The following NRXN3 variants were observed in gnomAD, a reference collection of about 807,000 sequenced individuals.
NRXN3 encodes the protein neurexin III.
A neutral mutation model predicts 137.6 loss-of-function variants in NRXN3; 32 were observed. The observed-to-expected ratio is 0.23, with a 90% CI of 0.18 to 0.31. NRXN3 has a LOEUF of 0.31. Ranked by LOEUF, NRXN3 falls within the 10% of genes least tolerant of loss-of-function variation. NRXN3 has a pLI of 1.00. For missense variants in NRXN3, 1,574 were observed against 2,062.5 expected (o/e 0.76, Z 4.59); for synonymous variants, 798 against 784.5 (o/e 1.02, Z -0.29).
At chr14:78,360,481 A>T (rs762941314) in intron 4 of NRXN3, among the ~76,000 whole-genome samples, 7 of 152,206 alleles carry the variant, frequency 4.6e-5, no homozygotes, top group Non-Finnish European at 1.0e-4. Context: ...AAGAGTAATG[A>T]TTAAAAGCAT....
chr14:79,858,136 T>C (rs1374191410), intron 20 of NRXN3, among the ~76,000 whole-genome samples: 1 of 148,406 alleles, frequency 6.7e-6, no homozygotes, highest in Non-Finnish European at 1.5e-5. Flanking sequence ...ATAAAAAATG[T>C]GGTTACTCTT....
chr14:78,484,404 T>C (rs1163460061), intron 4 of NRXN3, among the ~76,000 whole-genome samples: 3 of 152,190 alleles, frequency 2.0e-5, no homozygotes, highest in African/African-American at 7.2e-5. Context: ...TGCAGTGAAG[T>C]TGCAGGTTTC....
intron 15 of NRXN3, among the ~76,000 whole-genome samples, chr14:79,162,249 G>A (rs1187377452): frequency 6.7e-5 from 10 of 149,956 alleles, no homozygotes; most frequent in East Asian, 2.0e-4. Context: ...CCACTAACTC[G>A]TCATCTAGCA....
At chr14:78,640,098 T>A (rs2097607029) in intron 4 of NRXN3, among the ~76,000 whole-genome samples, 1 of 152,178 alleles carries the variant, frequency 6.6e-6, no homozygotes, top group Non-Finnish European at 1.5e-5. Flanking sequence ...ATCTTAAGTA[T>A]CCACACTTTG....
chr14:79,351,641 T>A (rs774937587), intron 15 of NRXN3, among the ~76,000 whole-genome samples: 33 of 152,142 alleles, frequency 2.2e-4, no homozygotes, highest in Non-Finnish European at 3.5e-4. Context: ...AGTAGCAAAA[T>A]GTCTGGAACA....
intron 4 of NRXN3, among the ~76,000 whole-genome samples, chr14:78,336,907 A>G (rs1377945458): frequency 6.6e-6 from 1 of 152,116 alleles, no homozygotes; most frequent in African/African-American, 2.4e-5. Context: ...ATTGAATCCT[A>G]TGGGTCTCTG....
chr14:79,762,661 G>A (rs1261025036), intron 19 of NRXN3, among the ~76,000 whole-genome samples: 2 of 151,502 alleles, frequency 1.3e-5, no homozygotes, highest in African/African-American at 4.9e-5. Context: ...TAATAGAACT[G>A]GCCTTATAGA....
At position 78,752,902 on chromosome 14, in the gene NRXN3, A is replaced by C. The variant is rs1040360858; in HGVS notation, c.2044+37763A>C. On this transcript the variant is annotated intron_variant, in intron 8 of 20. Coordinates refer to ENST00000335750, the MANE Select transcript of NRXN3 (RefSeq NM_001330195.2). ...TTTTTAACAGAGAATTCTGAGCAGGAGATGTCAATGAATGTCCTGATTGTC... is the reference window on the plus strand; with the variant it reads ...TTTTTAACAGAGAATTCTGAGCAGGCGATGTCAATGAATGTCCTGATTGTC... Among the ~76,000 whole-genome samples the C allele has an allele frequency of 5.3e-5, 8 of 152,312 alleles. No homozygotes were observed. In the East Asian group the frequency reaches 1.5e-3, roughly 29 times the overall value.
chr14:78,391,142 A>G (rs1487646047), intron 4 of NRXN3, among the ~76,000 whole-genome samples: 2 of 152,158 alleles, frequency 1.3e-5, no homozygotes, highest in African/African-American at 4.8e-5. Context: ...ATAGTATTCT[A>G]TGGTGCATAT....
intron 10 of NRXN3, among the ~76,000 whole-genome samples, chr14:78,879,514 T>G (rs1369498021): frequency 6.6e-6 from 1 of 152,266 alleles, no homozygotes; most frequent in Non-Finnish European, 1.5e-5. Flanking sequence ...TAGCCGTCTG[T>G]ATGTCTCCCT....
At chr14:79,603,496 T>A (rs2097954332) in intron 16 of NRXN3, among the ~76,000 whole-genome samples, 1 of 152,238 alleles carries the variant, frequency 6.6e-6, no homozygotes, top group Non-Finnish European at 1.5e-5. Flanking sequence ...TCTGCACATG[T>A]TCTTTATCCT....
chr14:79,410,817 A>C (rs943247774), intron 15 of NRXN3, among the ~76,000 whole-genome samples: 2 of 152,142 alleles, frequency 1.3e-5, no homozygotes, highest in African/African-American at 4.8e-5. Flanking sequence ...TGTCCTAGGT[A>C]ATGCTGATAC....
In NRXN3 at chr14:79,808,176, G is replaced by T. The variant is rs2099216308; in HGVS notation, c.4093+2986G>T. ...TGCTTGAACCCGGGAGGCAGAGGTT[G>T]CAGGGAGCCAAGATCATGCCACTGC... On this transcript the variant is annotated intron_variant, in intron 20 of 20. Coordinates refer to ENST00000335750, the MANE Select transcript of NRXN3 (RefSeq NM_001330195.2). Among the ~76,000 whole-genome samples the T allele has an allele frequency of 8.0e-5, 12 of 150,454 alleles. No homozygotes were observed. The Admixed American group carries it at 8.0e-4, about 10-fold the overall frequency.
intron 17 of NRXN3, among the ~76,000 whole-genome samples, chr14:79,667,354 T>C (rs221437): frequency 0.4 from 60,255 of 151,906 alleles, 16,302 homozygotes; most frequent in African/African-American, 0.77. Context: ...AGAAGATTTA[T>C]GTTAAGTTAT....
chr14:78,368,560 T>G lies in NRXN3; in HGVS notation c.757+70700T>G, dbSNP rs189642575. ...TACAAAAAAAATTAGCCAGGCACTG[T>G]GGCGAGCACCAGTAATTCCAGCTAC... is the stretch of plus-strand genomic sequence containing the variant. On this transcript the variant is annotated intron_variant, in intron 4 of 20. Transcript: ENST00000335750. Among the ~76,000 whole-genome samples the G allele has an allele frequency of 9.9e-5, 15 of 152,274 alleles. No homozygotes were observed. In the East Asian group the frequency reaches 2.7e-3, roughly 27 times the overall value.
chr14:78,946,648 A>T (rs1290488820), intron 10 of NRXN3, among the ~76,000 whole-genome samples: 2 of 152,126 alleles, frequency 1.3e-5, no homozygotes, highest in Non-Finnish European at 2.9e-5. Flanking sequence ...TTGATGCCCC[A>T]TGTTAATGAG....
intron 4 of NRXN3, among the ~76,000 whole-genome samples, chr14:78,488,460 T>A (rs8017143): frequency 0.92 from 140,728 of 152,238 alleles, 65,541 homozygotes; most frequent in Non-Finnish European, 0.98. Context: ...AGTCGTAACA[T>A]CCTAGAAATT....
At chr14:78,365,710 C>G (rs2085830210) in intron 4 of NRXN3, among the ~76,000 whole-genome samples, 2 of 152,118 alleles carry the variant, frequency 1.3e-5, no homozygotes, top group Non-Finnish European at 2.9e-5. Flanking sequence ...GTTGAAAACT[C>G]AAGGATAGAA....
At chr14:78,293,726 A>G (rs1357576066) in intron 3 of NRXN3, among the ~76,000 whole-genome samples, 5 of 152,130 alleles carry the variant, frequency 3.3e-5, no homozygotes, top group Admixed American at 1.3e-4. Context: ...TGAACCCTCA[A>G]TGTCTCCCAT....
Sources: gnomAD v4.1 joint callset for allele counts (sites outside exome capture counted in the v4.1 genomes callset) on GRCh38, gnomAD v4.1.1 for gene constraint, MANE v1.5 for transcripts, NCBI Gene and HGNC (gene_info 2026-07-23, HGNC 2026-07-21) for gene names.